CNBD1: variants seen among roughly 807,000 people sequenced by gnomAD.
CNBD1 encodes the protein cyclic nucleotide binding domain containing 1.
CNBD1 carries 71 observed loss-of-function variants against 54.4 expected under a neutral mutation model. That is an observed-to-expected ratio of 1.30 (90% CI 1.08 to 1.59). The LOEUF is 1.59. Ranked by LOEUF, CNBD1 falls within the 40% of genes most tolerant of loss-of-function variation. The pLI is 0.00. For synonymous variants in CNBD1, 182 were observed against 170.7 expected, an observed-to-expected ratio of 1.07 and a Z score of -0.51; for missense variants, 659 against 518.0, an observed-to-expected ratio of 1.27 and a Z score of -2.64.
chr8:87,331,943 T>C (rs906316095), intron 8 of CNBD1, among the ~76,000 whole-genome samples: 3 of 152,200 alleles, frequency 2.0e-5, no homozygotes, highest in African/African-American at 7.2e-5. Context: ...TTAAATTCCC[T>C]GTAAATTCTG....
intron 1 of CNBD1, among the ~76,000 whole-genome samples, chr8:86,868,425 C>T (rs965967231): frequency 1.3e-5 from 2 of 152,126 alleles, no homozygotes; most frequent in Non-Finnish European, 2.9e-5. Context: ...TCACCACAAC[C>T]TCCGCCTCCT....
At chr8:86,980,989 TCA>T (rs1488197997) in intron 4 of CNBD1, among the ~76,000 whole-genome samples, 10 of 152,316 alleles carry the variant, frequency 6.6e-5, no homozygotes, top group African/African-American at 2.4e-4. Flanking sequence ...AGACAGACTT[TCA>T]CAGTGTGTGT....
downstream of CNBD1, among the ~76,000 whole-genome samples, chr8:87,383,102 C>T (rs1811114889): frequency 6.6e-6 from 1 of 151,848 alleles, no homozygotes; most frequent in African/African-American, 2.4e-5. Flanking sequence ...TGTCTTGGTT[C>T]CAAATTTATT....
chr8:86,931,089 G>T (rs1192088916), intron 3 of CNBD1, among the ~76,000 whole-genome samples: 1 of 152,122 alleles, frequency 6.6e-6, no homozygotes, highest in East Asian at 1.9e-4. Flanking sequence ...GGACTTTCAG[G>T]CATAACAAGA....
At chr8:87,007,650 G>A (rs917307004) in intron 4 of CNBD1, among the ~76,000 whole-genome samples, 2 of 151,958 alleles carry the variant, frequency 1.3e-5, no homozygotes, top group African/African-American at 4.8e-5. Flanking sequence ...ATGAAATTAA[G>A]TCACTTACTA....
chr8:87,221,907 G>T lies in CNBD1; in HGVS notation c.578-15012G>T, dbSNP rs12056366. 1.2e-3 allele frequency among the ~76,000 whole-genome samples: 177 copies of T among 152,144 alleles called. 5 individuals are homozygous for T. In the East Asian group the frequency reaches 0.029, roughly 25 times the overall value. Reference sequence around the variant, plus strand: ...AAGTTATTGCATTATTCTAAGCGAGGTTATTAGACTTGTGTCTTAAAATAA... The same window carrying T: ...AAGTTATTGCATTATTCTAAGCGAGTTTATTAGACTTGTGTCTTAAAATAA... On this transcript the variant is annotated intron_variant, in intron 5 of 10. Transcript: ENST00000518476.
chr8:87,117,690 A>G (rs1259704765), intron 4 of CNBD1, among the ~76,000 whole-genome samples: 1 of 152,222 alleles, frequency 6.6e-6, no homozygotes, highest in African/African-American at 2.4e-5. Flanking sequence ...ACTAAGATAA[A>G]TTGCAAAGAC....
intron 4 of CNBD1, among the ~76,000 whole-genome samples, chr8:86,940,902 C>T (rs1298433695): frequency 6.6e-6 from 1 of 152,080 alleles, no homozygotes; most frequent in African/African-American, 2.4e-5. Flanking sequence ...AGTACAGTAA[C>T]ATGTTTTGCA....
At chr8:86,919,189 G>A (rs543122738) in intron 3 of CNBD1, among the ~76,000 whole-genome samples, 13 of 152,144 alleles carry the variant, frequency 8.5e-5, no homozygotes, top group African/African-American at 3.1e-4. Flanking sequence ...ATACACATAG[G>A]ATTCATTCAT....
chr8:86,879,745 G>A (rs183058985), intron 1 of CNBD1, among the ~76,000 whole-genome samples: 2 of 152,020 alleles, frequency 1.3e-5, no homozygotes, highest in African/African-American at 2.4e-5. Flanking sequence ...GGTGGCGGGC[G>A]CCTGTAGTCC....
At chr8:87,353,858 TC>T in intron 10 of CNBD1, 72 bp downstream of exon 10, 1 of 1,161,508 alleles carries the variant, frequency 8.6e-7, no homozygotes, top group Non-Finnish European at 1.2e-6. Flanking sequence ...TAAATTTTTT[TC>T]CTTATTAATC....
At chr8:87,042,159 G>A (rs971833145) in intron 4 of CNBD1, among the ~76,000 whole-genome samples, 6 of 152,292 alleles carry the variant, frequency 3.9e-5, no homozygotes, top group South Asian at 2.1e-4. Context: ...GAGGAAGATG[G>A]GTTGGCCAAA....
At chr8:87,339,928 G>C (rs1363912358) in intron 8 of CNBD1, among the ~76,000 whole-genome samples, 5 of 152,098 alleles carry the variant, frequency 3.3e-5, no homozygotes, top group Non-Finnish European at 2.9e-5. Context: ...ATGCATCAGT[G>C]TTATAGTATT....
intron 3 of CNBD1, among the ~76,000 whole-genome samples, chr8:86,920,857 A>T (rs2131824405): frequency 6.6e-6 from 1 of 151,106 alleles, no homozygotes; most frequent in African/African-American, 2.4e-5. Flanking sequence ...GGTTAAAATG[A>T]TGAAGGGCTT....
chr8:87,370,597 G>C (rs561717005), intron 10 of CNBD1, among the ~76,000 whole-genome samples: 1 of 151,948 alleles, frequency 6.6e-6, no homozygotes, highest in African/African-American at 2.4e-5. Context: ...TTGTAAATTT[G>C]TTTAAGTTCA....
chr8:87,272,001 G>T (rs1279937141), intron 6 of CNBD1, among the ~76,000 whole-genome samples: 2 of 151,872 alleles, frequency 1.3e-5, no homozygotes, highest in Admixed American at 6.6e-5. Flanking sequence ...AGTAATCCAA[G>T]CACAGAAAGA....
intron 6 of CNBD1, among the ~76,000 whole-genome samples, chr8:87,271,893 G>A (rs571078631): frequency 6.6e-6 from 1 of 151,696 alleles, no homozygotes; most frequent in Non-Finnish European, 1.5e-5. Flanking sequence ...AAGAAAATGT[G>A]GTATATATAC....
At chr8:87,255,995 ATATATATATATATATATATATTTTTTTT>A (rs1217660458) in intron 6 of CNBD1, among the ~76,000 whole-genome samples, 9 of 15,678 alleles carry the variant, frequency 5.7e-4, no homozygotes, top group African/African-American at 2.2e-3. Flanking sequence ...ATATATATAT[ATATATATATATATATATATATTTTTTTT>A]TTTTTTTTTT....
In CNBD1 at chr8:86,905,097, A is replaced by G; in HGVS notation, c.175A>G (p.Ile59Val). The G allele has an allele frequency of 6.2e-7, 1 of 1,607,592 alleles. No homozygotes were observed. Among genetic ancestry groups the G allele is most frequent in the Non-Finnish European group, 8.5e-7 (1 of 1,175,210 alleles). The part of the protein sequence containing the change: ...RGQHSRSMSN[I>V]LSAHDTFMKQ... ...CTTTTTAAGCCGGAGTATGAGCAAT[A>G]TCTTATCAGCTCACGATACATTTAT... is the stretch of plus-strand genomic sequence containing the variant. Residue 59 changes from isoleucine to valine, a missense_variant, in exon 3 of 11, where the codon ATC (isoleucine) becomes GTC (valine). Physicochemically the swap from Ile to Val is conservative, Grantham distance 29 (BLOSUM62 3). Transcript: ENST00000518476.
Sources: gnomAD v4.1 joint callset for allele counts (sites outside exome capture counted in the v4.1 genomes callset) on GRCh38, gnomAD v4.1.1 for gene constraint, MANE v1.5 for transcripts, NCBI Gene and HGNC (gene_info 2026-07-23, HGNC 2026-07-21) for gene names.